ARK2C: variants seen among roughly 807,000 people sequenced by gnomAD.
The protein encoded by ARK2C is arkadia (RNF111) C-terminal like ring finger ubiquitin ligase 2C.
At chr18:46,397,592 G>A in the ARK2C span, among the ~76,000 whole-genome samples, 3 of 117,950 alleles carry the variant, frequency 2.5e-5, no homozygotes, top group Non-Finnish European at 5.6e-5. Flanking sequence ...GCTGGGGTGT[G>A]AGGGTGTGTG....
chr18:46,439,752 A>G, the ARK2C span, among the ~76,000 whole-genome samples: 1 of 152,254 alleles, frequency 6.6e-6, no homozygotes, highest in Non-Finnish European at 1.5e-5. Context: ...TAAAAAAATA[A>G]GAGAATAGTA....
the ARK2C span, among the ~76,000 whole-genome samples, chr18:46,429,055 T>C: frequency 1.3e-5 from 2 of 152,118 alleles, no homozygotes; most frequent in Non-Finnish European, 2.9e-5. Context: ...TGGTAGACCA[T>C]GGAGTGAAGG....
the ARK2C span, among the ~76,000 whole-genome samples, chr18:46,439,523 T>A: frequency 6.6e-6 from 1 of 152,146 alleles, no homozygotes; most frequent in Non-Finnish European, 1.5e-5. Context: ...TGTGTCCTAA[T>A]TACCAGGGAC....
the ARK2C span, chr18:46,433,487 G>A: frequency 1.2e-6 from 2 of 1,609,114 alleles, no homozygotes; most frequent in East Asian, 2.2e-5. Flanking sequence ...CAGCACCGCA[G>A]GCTGGTCTCG....
chr18:46,376,063 G>A, the ARK2C span, among the ~76,000 whole-genome samples: 85 of 152,344 alleles, frequency 5.6e-4, no homozygotes, highest in Middle Eastern at 3.4e-3. Context: ...GGCCGGGCCC[G>A]GGGTCATCAC....
the ARK2C span, among the ~76,000 whole-genome samples, chr18:46,410,078 C>G: frequency 2.0e-5 from 3 of 152,116 alleles, no homozygotes; most frequent in Admixed American, 2.0e-4. Context: ...TGCTGTTTTA[C>G]TTATGTGGTG....
the ARK2C span, among the ~76,000 whole-genome samples, chr18:46,348,116 T>G: frequency 1.3e-5 from 2 of 151,466 alleles, no homozygotes; most frequent in Non-Finnish European, 2.9e-5. Flanking sequence ...TCTCTTAGCC[T>G]GCGGCAGACA....
chr18:46,413,881 T>A, the ARK2C span, among the ~76,000 whole-genome samples: 1 of 152,350 alleles, frequency 6.6e-6, no homozygotes, highest in African/African-American at 2.4e-5. Flanking sequence ...CTTGTTGTTA[T>A]GTCTCATGGA....
chr18:46,373,769 T>C, the ARK2C span, among the ~76,000 whole-genome samples: 1 of 152,108 alleles, frequency 6.6e-6, no homozygotes, highest in Admixed American at 6.5e-5. Context: ...ATCTTACACG[T>C]GGGGAAGCTG....
At chr18:46,368,536 A>G in the ARK2C span, among the ~76,000 whole-genome samples, 115 of 152,320 alleles carry the variant, frequency 7.5e-4, 1 homozygote, top group African/African-American at 2.6e-3. Flanking sequence ...TTTTGTTCCC[A>G]GCTCCACTGG....
the ARK2C span, among the ~76,000 whole-genome samples, chr18:46,398,309 G>T: frequency 4.0e-5 from 6 of 151,668 alleles, no homozygotes; most frequent in Non-Finnish European, 7.4e-5. Flanking sequence ...CAGTGAGGCC[G>T]CAGGGCAGGA....
the ARK2C span, among the ~76,000 whole-genome samples, chr18:46,451,230 G>T: frequency 6.6e-6 from 1 of 152,262 alleles, no homozygotes; most frequent in African/African-American, 2.4e-5. Context: ...TCCAAGCAGA[G>T]GTTTTCAAAC....
At chr18:46,408,544 G>T in the ARK2C span, among the ~76,000 whole-genome samples, 1 of 152,244 alleles carries the variant, frequency 6.6e-6, no homozygotes. Flanking sequence ...GTCAAACAGA[G>T]TTAAGGTTAT....
At chr18:46,456,830 A>C in the ARK2C span, 1 of 564,586 alleles carries the variant, frequency 1.8e-6, no homozygotes, top group Non-Finnish European at 3.2e-6. Flanking sequence ...CCTCTCCAGA[A>C]TGGCGACTGT....
At chr18:46,350,268 T>C in the ARK2C span, among the ~76,000 whole-genome samples, 2 of 152,200 alleles carry the variant, frequency 1.3e-5, no homozygotes, top group Non-Finnish European at 2.9e-5. Flanking sequence ...CGTATGCGTG[T>C]GTCCACATCT....
At chr18:46,352,506 G>A in the ARK2C span, among the ~76,000 whole-genome samples, 24 of 152,128 alleles carry the variant, frequency 1.6e-4, no homozygotes, top group African/African-American at 5.8e-4. Flanking sequence ...GTGGCTTAAA[G>A]GGATAGCAAC....
chr18:46,441,991 C>T, the ARK2C span, among the ~76,000 whole-genome samples: 3 of 150,842 alleles, frequency 2.0e-5, no homozygotes, highest in African/African-American at 7.3e-5. Flanking sequence ...GGTGAAACCC[C>T]GTCTCTACTA....
the ARK2C span, among the ~76,000 whole-genome samples, chr18:46,442,608 TA>T: frequency 2.6e-5 from 4 of 152,200 alleles, no homozygotes; most frequent in Admixed American, 2.0e-4. Flanking sequence ...TAAGTATTTT[TA>T]AAAAGTGTAT....
chr18:46,426,869 G>A, the ARK2C span, among the ~76,000 whole-genome samples: 2 of 152,220 alleles, frequency 1.3e-5, no homozygotes, highest in Non-Finnish European at 2.9e-5. Flanking sequence ...TAACTTGAAG[G>A]AGTAACTCTA....
Sources: gnomAD v4.1 joint callset for allele counts (sites outside exome capture counted in the v4.1 genomes callset) on GRCh38, gnomAD v4.1.1 for gene constraint, MANE v1.5 for transcripts, NCBI Gene and HGNC (gene_info 2026-07-23, HGNC 2026-07-21) for gene names.